AKAP8L: variants seen among roughly 807,000 people sequenced by gnomAD.
AKAP8L encodes the protein A-kinase anchoring protein 8 like.
AKAP8L carries 34 observed loss-of-function variants against 77.5 expected under a neutral mutation model. The ratio of observed to expected loss-of-function variants is 0.44; its 90% CI spans 0.33 to 0.58. AKAP8L has a LOEUF of 0.58. AKAP8L is among the 20% of genes least tolerant of loss of function. The probability of loss-of-function intolerance (pLI) is 0.02; values close to 1 mark genes in which losing one functional copy is unlikely to be tolerated. For synonymous variants in AKAP8L, 342 were observed against 340.7 expected, an observed-to-expected ratio of 1.00 and a Z score of -0.04; for missense variants, 806 against 887.6, an observed-to-expected ratio of 0.91 and a Z score of 1.17.
intron 1 of AKAP8L, among the ~76,000 whole-genome samples, chr19:15,413,412 C>T (rs144454522): frequency 1.3e-5 from 2 of 152,150 alleles, no homozygotes; most frequent in African/African-American, 2.4e-5. Context: ...GTTCCAAAGA[C>T]GGAGCTGTGA....
intron 12 of AKAP8L, among the ~76,000 whole-genome samples, chr19:15,384,693 G>A (rs1967491989): frequency 6.6e-6 from 1 of 152,088 alleles, no homozygotes; most frequent in Non-Finnish European, 1.5e-5. Context: ...ATTTCTAACT[G>A]GTTAATACTA....
intron 2 of AKAP8L, among the ~76,000 whole-genome samples, chr19:15,407,506 T>C (rs962494708): frequency 6.6e-6 from 1 of 152,206 alleles, no homozygotes; most frequent in Non-Finnish European, 1.5e-5. Flanking sequence ...AAAGAGCTAC[T>C]AGAATAAGTG....
chr19:15,388,625 G>A (rs959737505), intron 12 of AKAP8L, among the ~76,000 whole-genome samples: 2 of 152,156 alleles, frequency 1.3e-5, no homozygotes, highest in Admixed American at 6.6e-5. Context: ...TTAAGAATTA[G>A]TGAACTTGGG....
chr19:15,400,728 G>C (rs772227373), intron 7 of AKAP8L, 66 bp downstream of exon 7: 18 of 1,575,858 alleles, frequency 1.1e-5, no homozygotes, highest in Non-Finnish European at 1.6e-5. Flanking sequence ...CCCCCAGGGA[G>C]AGCACCACTC....
intron 12 of AKAP8L, among the ~76,000 whole-genome samples, chr19:15,384,316 T>TTG (rs1568260670): frequency 2.0e-5 from 3 of 150,882 alleles, no homozygotes; most frequent in Non-Finnish European, 1.5e-5. Flanking sequence ...TTTTTTTTTT[T>TTG]GAGACGGAGT....
At chr19:15,386,561 C>G (rs757552215) in intron 12 of AKAP8L, among the ~76,000 whole-genome samples, 1 of 152,154 alleles carries the variant, frequency 6.6e-6, no homozygotes, top group African/African-American at 2.4e-5. Flanking sequence ...GATGGAAACT[C>G]CACTCCAGAC....
chr19:15,384,278 T>C (rs1967480327), intron 12 of AKAP8L, among the ~76,000 whole-genome samples: 1 of 146,758 alleles, frequency 6.8e-6, no homozygotes, highest in Non-Finnish European at 1.5e-5. Context: ...TTAAAAGATC[T>C]CAAGCCTTTC....
chr19:15,418,916 T>C lies in AKAP8L; in HGVS notation c.8A>G (p.Tyr3Cys), dbSNP rs764077317. MS[Y>C]TGFVQGSETT... The stretch of plus-strand genomic sequence containing the variant: ...CCCCACCCTGCCAGGCCCACCTGTG[T>C]AGCTCATGGTGGCGGGCAACACAAC... The change falls in exon 1 of 14, where the codon TAC (tyrosine) becomes TGC (cysteine). Residue 3 changes from tyrosine to cysteine, a missense_variant. Tyr to Cys is a radical substitution (Grantham distance 194). Coordinates refer to ENST00000397410, the MANE Select transcript of AKAP8L (RefSeq NM_014371.4). 6 of 1,604,282 alleles carry C rather than the reference T, an allele frequency of 3.7e-6. No homozygotes were observed. The highest frequency in any genetic ancestry group is 8.5e-7 in the Non-Finnish European group (1 of 1,179,408).
intron 1 of AKAP8L, among the ~76,000 whole-genome samples, chr19:15,417,144 G>A (rs971929481): frequency 2.0e-5 from 3 of 151,966 alleles, no homozygotes; most frequent in South Asian, 4.1e-4. Context: ...TAGTGACCTT[G>A]TATCTCAGTT....
At chr19:15,386,960 G>T (rs982157024) in intron 12 of AKAP8L, among the ~76,000 whole-genome samples, 1 of 152,066 alleles carries the variant, frequency 6.6e-6, no homozygotes, top group Non-Finnish European at 1.5e-5. Context: ...TACCCAGCCG[G>T]ATGTCAGTAT....
At position 15,399,265 on chromosome 19, in the gene AKAP8L, C is replaced by CGAGGCA. The variant is rs1307877148; in HGVS notation, c.1157+31_1157+36dup. 4 of 1,573,556 alleles carry CGAGGCA rather than the reference C, an allele frequency of 2.5e-6. No individual in the cohort carries two copies. The South Asian group carries it at 3.3e-5, about 13-fold the overall frequency. ...TGCTCTCCTGGCGGCAGCCCCACAG[C>CGAGGCA]GAGGCAGAGGCAGAGGGGTGGAGGG... is the stretch of plus-strand genomic sequence containing the variant. On this transcript the variant is annotated intron_variant, in intron 9 of 13. Transcript: ENST00000397410. This position sits in a 1 kb window ranked among gnomAD's most constrained non-coding sequence, Gnocchi z 6.1.
At chr19:15,406,756 C>T (rs1382565107) in intron 2 of AKAP8L, among the ~76,000 whole-genome samples, 1 of 152,094 alleles carries the variant, frequency 6.6e-6, no homozygotes, top group African/African-American at 2.4e-5. Context: ...TGAGCCACTG[C>T]ACCTGGCCCC....
chr19:15,400,390 G>T, intron 7 of AKAP8L, 32 bp from the exon 8 acceptor site: 1 of 1,566,996 alleles, frequency 6.4e-7, no homozygotes, highest in Non-Finnish European at 8.6e-7. Flanking sequence ...TTTAAAACAG[G>T]TGCCTTTTTT....
At position 15,398,125 on chromosome 19, in the gene AKAP8L, G is replaced by A. The variant is rs1967816001; in HGVS notation, c.1158-270C>T. On this transcript the variant is annotated intron_variant, in intron 9 of 13. Coordinates refer to ENST00000397410, the MANE Select transcript of AKAP8L (RefSeq NM_014371.4). The surrounding 1 kb of genome is among the most constrained non-coding windows in gnomAD (Gnocchi z 9.2). ...GCTGAAGCCTGAGACAGCAGCTGCT[G>A]CAACAGGCAACGAGTCGCTGGAAAG... 8.3e-6 allele frequency: 4 copies of A among 483,642 alleles called. No individual in the cohort carries two copies. Among genetic ancestry groups the A allele is most frequent in the South Asian group, 7.2e-5 (3 of 41,906 alleles). The allele number at this position is 483,642 out of a possible 1,614,324, so 30.0% of individuals were successfully genotyped here. A position where few individuals can be genotyped will look rare whatever the true frequency, so the allele number is the denominator to read the frequency against.
Position 15,380,543 on chromosome 19 carries a change from T to TGATG in AKAP8L, c.1602_1605dup (p.Ser536HisfsTer29). The TGATG allele has an allele frequency of 1.2e-6, 2 of 1,613,936 alleles. No homozygotes were observed. The highest frequency in any genetic ancestry group is 1.7e-6 in the Non-Finnish European group (2 of 1,179,886). The stretch of plus-strand genomic sequence containing the variant: ...TTCAGGTAGCGCTCCAGCTTCTTGC[T>TGATG]GATGAGCTTGTTGTTGAGAATACTG... On this transcript the variant is annotated frameshift_variant, in exon 13 of 14. Transcript: ENST00000397410. LOFTEE classifies it high-confidence loss of function.
intron 7 of AKAP8L, chr19:15,400,576 A>C (rs1967872338): frequency 1.4e-6 from 1 of 713,668 alleles, no homozygotes; most frequent in Non-Finnish European, 2.3e-6. Context: ...ACATCCTCCC[A>C]CTACCTGGTG....
At chr19:15,400,134 G>T in intron 8 of AKAP8L, 161 bp downstream of exon 8, 1 of 674,266 alleles carries the variant, frequency 1.5e-6, no homozygotes. Context: ...GAAGGGGGTG[G>T]AGGCGGCGAA....
intron 12 of AKAP8L, 33 bp from the exon 13 acceptor site, chr19:15,380,645 G>C: frequency 6.2e-7 from 1 of 1,602,812 alleles, no homozygotes; most frequent in South Asian, 1.1e-5. Flanking sequence ...TGGAGAGGCT[G>C]CTCTGAGTGC....
chr19:15,414,244 A>G (rs930374071), intron 1 of AKAP8L, among the ~76,000 whole-genome samples: 1 of 151,052 alleles, frequency 6.6e-6, no homozygotes, highest in Non-Finnish European at 1.5e-5. Context: ...TTTAGTAGAG[A>G]CGGGTTTTCT....
Sources: gnomAD v4.1 joint callset for allele counts (sites outside exome capture counted in the v4.1 genomes callset) on GRCh38, gnomAD v4.1.1 for gene constraint, Gnocchi (gnomAD v3.1) non-coding constraint, MANE v1.5 for transcripts, NCBI Gene and HGNC (gene_info 2026-07-23, HGNC 2026-07-21) for gene names.